MTMR2: variants seen among roughly 807,000 people sequenced by gnomAD.
MTMR2 encodes phosphatidylinositol-3,5-bisphosphate 3-phosphatase MTMR2.
In MTMR2, 55 loss-of-function variants were observed where a neutral mutation model predicts 86.9. The ratio of observed to expected loss-of-function variants is 0.63; its 90% confidence interval spans 0.51 to 0.79. The LOEUF (loss-of-function observed/expected upper bound fraction) is 0.79. MTMR2 is among the 30% of genes least tolerant of loss of function. MTMR2 has a pLI of 0.00. For missense variants in MTMR2, 659 were observed against 772.3 expected, an observed-to-expected ratio of 0.85 and a Z score of 1.74; for synonymous variants, 241 against 266.8, an observed-to-expected ratio of 0.90 and a Z score of 0.94.
intron 3 of MTMR2, among the ~76,000 whole-genome samples, chr11:95,864,328 G>A (rs1046073063): frequency 2.6e-5 from 4 of 152,098 alleles, no homozygotes; most frequent in African/African-American, 9.7e-5. Flanking sequence ...TGCTATTAAA[G>A]GAAGAAGAGC....
chr11:95,856,613 A>G lies in MTMR2; in HGVS notation c.654+939T>C, dbSNP rs78753301. Reference sequence around the variant, plus strand: ...AAGCATCCATACCATTTTATGTAGAAGCTAATGCTCTATTCTTACTGCCAC... The same window carrying G: ...AAGCATCCATACCATTTTATGTAGAGGCTAATGCTCTATTCTTACTGCCAC... On this transcript the variant is annotated intron_variant, in intron 7 of 14. Transcript: ENST00000346299. 1.1e-4 allele frequency among the ~76,000 whole-genome samples: 16 copies of G among 151,856 alleles called. No homozygotes were observed. In the East Asian group the frequency reaches 2.7e-3, roughly 26 times the overall value.
chr11:95,891,130 T>C (rs1005962901), intron 1 of MTMR2, among the ~76,000 whole-genome samples: 2 of 152,060 alleles, frequency 1.3e-5, no homozygotes, highest in Non-Finnish European at 2.9e-5. Context: ...ATTGACAGAC[T>C]ATTGTAGCAT....
At chr11:95,888,051 A>G in intron 2 of MTMR2, 105 bp downstream of exon 2, 1 of 848,912 alleles carries the variant, frequency 1.2e-6, no homozygotes, top group Non-Finnish European at 1.9e-6. Context: ...GGGATCTATG[A>G]GAATACTCCA....
chr11:95,847,620 G>T (rs1254297310), intron 10 of MTMR2, 94 bp downstream of exon 10: 6 of 1,123,722 alleles, frequency 5.3e-6, no homozygotes, highest in South Asian at 1.3e-5. Context: ...GTTTAGAAAG[G>T]TACCTTCATG....
intron 1 of MTMR2, among the ~76,000 whole-genome samples, chr11:95,922,609 T>G (rs1309657480): frequency 1.3e-5 from 2 of 151,778 alleles, no homozygotes; most frequent in African/African-American, 4.8e-5. Context: ...TGAGACTATG[T>G]TAAGTGCTGG....
At chr11:95,859,021 CTTTA>C (rs766310133) in intron 5 of MTMR2, among the ~76,000 whole-genome samples, 1 of 152,130 alleles carries the variant, frequency 6.6e-6, no homozygotes, top group African/African-American at 2.4e-5. Context: ...TCATAAATTT[CTTTA>C]TTTATAAAAC....
intron 7 of MTMR2, 37 bp from the exon 8 acceptor site, chr11:95,850,786 T>C (rs763266641): frequency 1.3e-6 from 2 of 1,583,260 alleles, no homozygotes; most frequent in East Asian, 2.2e-5. Flanking sequence ...AATTACTATA[T>C]AACTAAAATA....
intron 2 of MTMR2, among the ~76,000 whole-genome samples, chr11:95,874,385 A>G (rs1413877763): frequency 6.6e-6 from 1 of 151,970 alleles, no homozygotes; most frequent in African/African-American, 2.4e-5. Context: ...TGTTGGTTTA[A>G]AGTCTGTTTT....
At chr11:95,906,129 G>A (rs1485501621) in intron 1 of MTMR2, among the ~76,000 whole-genome samples, 1 of 152,130 alleles carries the variant, frequency 6.6e-6, no homozygotes, top group African/African-American at 2.4e-5. Flanking sequence ...GGAGGCTGAG[G>A]CACGAGAATC....
intron 7 of MTMR2, among the ~76,000 whole-genome samples, chr11:95,853,288 A>AT (rs1864093671): frequency 6.6e-6 from 1 of 151,686 alleles, no homozygotes; most frequent in Non-Finnish European, 1.5e-5. Flanking sequence ...AATTTCTATG[A>AT]TTTTTCCTCC....
chr11:95,891,039 A>G (rs1457275988), intron 1 of MTMR2, among the ~76,000 whole-genome samples: 1 of 152,222 alleles, frequency 6.6e-6, no homozygotes, highest in Non-Finnish European at 1.5e-5. Flanking sequence ...TTATACGCCT[A>G]TGCCCTTCTG....
chr11:95,911,120 G>A (rs1231039239), intron 1 of MTMR2, among the ~76,000 whole-genome samples: 2 of 152,120 alleles, frequency 1.3e-5, no homozygotes, highest in African/African-American at 4.8e-5. Flanking sequence ...ACAGAAATAA[G>A]AGACAACATG....
chr11:95,920,899 G>A (rs1309221768), intron 1 of MTMR2, among the ~76,000 whole-genome samples: 1 of 152,162 alleles, frequency 6.6e-6, no homozygotes, highest in African/African-American at 2.4e-5. Context: ...ATGGCACTCG[G>A]CCAAGTATGT....
chr11:95,875,896 C>T (rs530208294), intron 2 of MTMR2, among the ~76,000 whole-genome samples: 10 of 152,298 alleles, frequency 6.6e-5, no homozygotes, highest in Admixed American at 2.6e-4. Flanking sequence ...GTATCAGCAG[C>T]GGAGTCTGCA....
chr11:95,862,293 T>C lies in MTMR2; in HGVS notation c.336A>G (p.Leu112=). 6.2e-7 allele frequency: 1 copy of C among 1,613,992 alleles called. No individual in the cohort carries two copies. The highest frequency in any genetic ancestry group is 8.5e-7 in the Non-Finnish European group (1 of 1,179,914). Residue 112 remains leucine, a synonymous_variant, in exon 4 of 15, where the codon TTA becomes TTG. Coordinates refer to ENST00000346299, the MANE Select transcript of MTMR2 (RefSeq NM_016156.6). ...TTACCCGTTCCATGCTTTTGAAATA[T>C]AACCTATAATTCGTGACAGTCAGAG... ...RGTLTVTNYR[L]YFKSMERDPP...
intron 1 of MTMR2, among the ~76,000 whole-genome samples, chr11:95,917,299 T>C (rs1344805377): frequency 2.6e-5 from 4 of 152,206 alleles, no homozygotes; most frequent in African/African-American, 9.6e-5. Flanking sequence ...ACTCAAATCC[T>C]GAATCGCACG....
intron 2 of MTMR2, among the ~76,000 whole-genome samples, chr11:95,873,965 T>C (rs557523723): frequency 1.3e-5 from 2 of 152,330 alleles, no homozygotes; most frequent in East Asian, 3.9e-4. Flanking sequence ...AGAGACAGTT[T>C]GTTATAATTT....
intron 1 of MTMR2, among the ~76,000 whole-genome samples, chr11:95,894,624 G>A (rs1865820068): frequency 6.6e-6 from 1 of 152,110 alleles, no homozygotes. Context: ...TCCCACTATG[G>A]AAGCATGTGT....
At chr11:95,892,736 T>G (rs1003566258) in intron 1 of MTMR2, among the ~76,000 whole-genome samples, 1 of 152,150 alleles carries the variant, frequency 6.6e-6, no homozygotes, top group Non-Finnish European at 1.5e-5. Context: ...TACACCCACT[T>G]TTCTCTGTCC....
Sources: allele counts gnomAD v4.1 joint callset (sites outside exome capture counted in the v4.1 genomes callset), GRCh38; gene constraint gnomAD v4.1.1; transcripts MANE v1.5; gene names NCBI Gene and HGNC (gene_info 2026-07-23, HGNC 2026-07-21).